The following GLIPR1L2 variants were observed in gnomAD, a reference collection of about 807,000 sequenced individuals.
GLIPR1L2 encodes GLIPR1 like 2, also known as GLIPR1-like protein 2.
A neutral mutation model predicts 28.4 loss-of-function variants in GLIPR1L2; 21 were observed. The ratio of observed to expected loss-of-function variants is 0.74; its 90% CI spans 0.52 to 1.06. The LOEUF is 1.06. GLIPR1L2 is among the 50% of genes least tolerant of loss of function. GLIPR1L2 has a pLI of 0.00. For synonymous variants in GLIPR1L2, 145 were observed against 139.3 expected (o/e 1.04, Z -0.29); for missense variants, 476 against 416.9 (o/e 1.14, Z -1.23).
intron 1 of GLIPR1L2, among the ~76,000 whole-genome samples, chr12:75,409,837 G>GAT (rs534064942): frequency 3.1e-4 from 45 of 144,134 alleles, no homozygotes; most frequent in Admixed American, 4.2e-4. Context: ...TATCTAATCC[G>GAT]ATATATATAT....
At chr12:75,412,243 G>T (rs1186573192) in intron 2 of GLIPR1L2, among the ~76,000 whole-genome samples, 1 of 151,774 alleles carries the variant, frequency 6.6e-6, no homozygotes, top group Non-Finnish European at 1.5e-5. Context: ...TCAACCAGAG[G>T]TTGAAAATTG....
chr12:75,414,134 T>A (rs940179742), intron 3 of GLIPR1L2, among the ~76,000 whole-genome samples: 1 of 152,012 alleles, frequency 6.6e-6, no homozygotes, highest in Non-Finnish European at 1.5e-5. Flanking sequence ...AACTGGGACC[T>A]GTCTTATATG....
intron 1 of GLIPR1L2, among the ~76,000 whole-genome samples, chr12:75,395,709 G>A (rs1399131054): frequency 2.0e-5 from 3 of 150,832 alleles, no homozygotes; most frequent in Admixed American, 6.6e-5. Context: ...CTGTTTCTTC[G>A]TTACTACCTT....
intron 2 of GLIPR1L2, among the ~76,000 whole-genome samples, chr12:75,410,994 T>C: frequency 6.6e-6 from 1 of 151,808 alleles, no homozygotes; most frequent in East Asian, 1.9e-4. Flanking sequence ...TATAAATGAT[T>C]GACTATAAAC....
intron 1 of GLIPR1L2, chr12:75,402,914 T>C: frequency 4.5e-6 from 2 of 440,474 alleles, no homozygotes; most frequent in Admixed American, 4.8e-5. Context: ...ATTGAGCCCA[T>C]TCTCTCTCCT....
chr12:75,411,906 T>G (rs2045871882), intron 2 of GLIPR1L2, among the ~76,000 whole-genome samples: 1 of 151,994 alleles, frequency 6.6e-6, no homozygotes, highest in African/African-American at 2.4e-5. Context: ...TATTAAAGTT[T>G]TACAGATAAT....
intron 3 of GLIPR1L2, among the ~76,000 whole-genome samples, chr12:75,416,514 A>C (rs979187846): frequency 6.6e-6 from 1 of 152,038 alleles, no homozygotes; most frequent in Non-Finnish European, 1.5e-5. Context: ...TATGAGGGAA[A>C]CCAAAAACCT....
chr12:75,417,933 A>G (rs899062937), intron 3 of GLIPR1L2, among the ~76,000 whole-genome samples: 15 of 152,160 alleles, frequency 9.9e-5, no homozygotes, highest in African/African-American at 3.4e-4. Flanking sequence ...AAGGATGACC[A>G]TAAGAATTTA....
chr12:75,406,425 T>C lies in GLIPR1L2; in HGVS notation c.235-4009T>C, dbSNP rs1264101120. 3.9e-5 allele frequency among the ~76,000 whole-genome samples: 6 copies of C among 152,164 alleles called. No homozygotes were observed. In the East Asian group the frequency reaches 5.8e-4, roughly 15 times the overall value. ...TAAAAAAGTTAAAACTAATTAGACT[T>C]ATTTAATAGGTTAAATTGCATGAAA... On this transcript the variant is annotated intron_variant, in intron 1 of 5. Coordinates refer to ENST00000550916, the MANE Select transcript of GLIPR1L2 (RefSeq NM_001270396.2).
chr12:75,400,496 A>G (rs1199267647), intron 1 of GLIPR1L2, among the ~76,000 whole-genome samples: 1 of 152,216 alleles, frequency 6.6e-6, no homozygotes, highest in African/African-American at 2.4e-5. Flanking sequence ...TACGTTTTGT[A>G]TACGAAAATT....
chr12:75,406,773 A>AAAG (rs1555232335), intron 1 of GLIPR1L2, among the ~76,000 whole-genome samples: 4 of 145,122 alleles, frequency 2.8e-5, no homozygotes, highest in Non-Finnish European at 4.5e-5. Flanking sequence ...AAAAAAAAAA[A>AAAG]AGAGAGAGAG....
chr12:75,407,415 A>G (rs566327732), intron 1 of GLIPR1L2, among the ~76,000 whole-genome samples: 1 of 151,778 alleles, frequency 6.6e-6, no homozygotes, highest in African/African-American at 2.4e-5. Flanking sequence ...TAAAAGACAG[A>G]GAGAATAAAA....
intron 3 of GLIPR1L2, among the ~76,000 whole-genome samples, chr12:75,419,422 T>G (rs192281815): frequency 1.3e-5 from 2 of 152,302 alleles, no homozygotes; most frequent in Admixed American, 6.5e-5. Flanking sequence ...TGGGAAGCAT[T>G]TTGGTAGTAA....
At chr12:75,429,914 C>T (rs142533350) in intron 4 of GLIPR1L2, among the ~76,000 whole-genome samples, 1 of 94,620 alleles carries the variant, frequency 1.1e-5, no homozygotes, top group Non-Finnish European at 2.3e-5. Context: ...TCAATTAAAC[C>T]TTTTCTTTTC....
At chr12:75,397,246 A>T (rs976912326) in intron 1 of GLIPR1L2, among the ~76,000 whole-genome samples, 2 of 151,900 alleles carry the variant, frequency 1.3e-5, no homozygotes, top group Non-Finnish European at 2.9e-5. Flanking sequence ...TTGATTTTTT[A>T]AAATTTCTAG....
intron 1 of GLIPR1L2, among the ~76,000 whole-genome samples, chr12:75,393,471 C>G (rs1177404950): frequency 2.6e-5 from 4 of 151,986 alleles, no homozygotes; most frequent in Non-Finnish European, 5.9e-5. Flanking sequence ...TCTTAAGGTA[C>G]CAAATATAAG....
chr12:75,424,726 T>C (rs748183852), intron 4 of GLIPR1L2, among the ~76,000 whole-genome samples: 3 of 152,084 alleles, frequency 2.0e-5, no homozygotes, highest in Non-Finnish European at 4.4e-5. Context: ...ATTATGTTTT[T>C]GTGCTGAAGA....
chr12:75,398,029 T>TAA (rs71078728), intron 1 of GLIPR1L2, among the ~76,000 whole-genome samples: 123 of 138,214 alleles, frequency 8.9e-4, no homozygotes, highest in South Asian at 3.5e-3. Flanking sequence ...GCTGTGGATT[T>TAA]AAAAAAAAAA....
intron 2 of GLIPR1L2, among the ~76,000 whole-genome samples, chr12:75,411,834 T>C (rs2045870984): frequency 6.6e-6 from 1 of 152,028 alleles, no homozygotes; most frequent in Non-Finnish European, 1.5e-5. Context: ...TGGTTCCTCT[T>C]TCTTGCACAG....
Sources: allele counts gnomAD v4.1 joint callset (sites outside exome capture counted in the v4.1 genomes callset), GRCh38; gene constraint gnomAD v4.1.1; transcripts MANE v1.5; gene names NCBI Gene and HGNC (gene_info 2026-07-23, HGNC 2026-07-21).